Variants in PDE3A observed in about 807,000 individuals in gnomAD.
The protein encoded by PDE3A is phosphodiesterase 3A.
PDE3A carries 43 observed loss-of-function variants against 98.3 expected under a neutral mutation model. The observed-to-expected ratio is 0.44, with a 90% CI of 0.34 to 0.56. The LOEUF is 0.56. PDE3A is among the 20% of genes least tolerant of loss of function. The pLI is 0.01. For missense variants in PDE3A, 1,427 were observed against 1,440.7 expected, an observed-to-expected ratio of 0.99 and a Z score of 0.15; for synonymous variants, 663 against 567.9, an observed-to-expected ratio of 1.17 and a Z score of -2.38.
chr12:20,551,568 G>GA, intron 1 of PDE3A: 1 of 1,513,578 alleles, frequency 6.6e-7, no homozygotes, highest in Non-Finnish European at 8.9e-7. Flanking sequence ...CGACCCCCGA[G>GA]CGGGTCTGCG....
intron 1 of PDE3A, among the ~76,000 whole-genome samples, chr12:20,427,939 C>G (rs1188292773): frequency 1.3e-5 from 2 of 151,948 alleles, no homozygotes; most frequent in Non-Finnish European, 2.9e-5. Context: ...GGCATGGTGG[C>G]TCATTCCTGT....
At chr12:20,621,159 T>G in intron 4 of PDE3A, 137 bp from the exon 5 acceptor site, 3 of 617,038 alleles carry the variant, frequency 4.9e-6, no homozygotes, top group Non-Finnish European at 5.8e-6. Flanking sequence ...ACAGTGGTTC[T>G]GTCACTGAAC....
chr12:20,512,249 A>G (rs1040827375), intron 1 of PDE3A, among the ~76,000 whole-genome samples: 4 of 151,964 alleles, frequency 2.6e-5, no homozygotes, highest in Admixed American at 2.0e-4. Flanking sequence ...AGAAAAGTGA[A>G]GGGGGCTAGT....
intron 1 of PDE3A, among the ~76,000 whole-genome samples, chr12:20,510,380 T>G (rs1946198508): frequency 6.6e-6 from 1 of 152,110 alleles, no homozygotes; most frequent in Non-Finnish European, 1.5e-5. Flanking sequence ...AGAAATTGAC[T>G]ATATTTAATT....
intron 15 of PDE3A, among the ~76,000 whole-genome samples, chr12:20,661,402 A>C (rs1027704993): frequency 6.6e-6 from 1 of 152,248 alleles, no homozygotes; most frequent in African/African-American, 2.4e-5. Context: ...AGAAATTTGC[A>C]TAAGTAATGA....
Position 20,511,417 on chromosome 12 carries a change from T to TACACACACACACAC in PDE3A, c.961-45227_961-45214dup, listed in dbSNP as rs71884926. ...GCCCATAAATTAGGAAGTGCTCAAA[T>TACACACACACACAC]ACACACACACACACACACACACACA... is the stretch of plus-strand genomic sequence containing the variant. On this transcript the variant is annotated intron_variant, in intron 1 of 15. Transcript: ENST00000359062. 1.8e-3 allele frequency among the ~76,000 whole-genome samples: 261 copies of TACACACACACACAC among 147,998 alleles called. 2 individuals carry two copies. Among genetic ancestry groups the TACACACACACACAC allele is most frequent in the Middle Eastern group, 0.011 (3 of 282 alleles).
chr12:20,508,464 A>T (rs1262968644), intron 1 of PDE3A, among the ~76,000 whole-genome samples: 1 of 151,628 alleles, frequency 6.6e-6, no homozygotes, highest in Non-Finnish European at 1.5e-5. Context: ...CATCTAGAAC[A>T]GTGTCTGGTA....
chr12:20,645,297 C>G (rs1037323623), intron 10 of PDE3A, among the ~76,000 whole-genome samples: 1 of 152,092 alleles, frequency 6.6e-6, no homozygotes, highest in Non-Finnish European at 1.5e-5. Flanking sequence ...CATATTGTCA[C>G]TTAAAGACTG....
At chr12:20,551,405 A>T (rs1477245132) in intron 1 of PDE3A, among the ~76,000 whole-genome samples, 2 of 151,972 alleles carry the variant, frequency 1.3e-5, no homozygotes, top group East Asian at 3.9e-4. Flanking sequence ...AAAAAAAAAA[A>T]GTCTTTAAAA....
intron 1 of PDE3A, among the ~76,000 whole-genome samples, chr12:20,482,175 TTAAC>T (rs1480310817): frequency 6.6e-6 from 1 of 152,134 alleles, no homozygotes; most frequent in Non-Finnish European, 1.5e-5. Context: ...AATTGATCAT[TTAAC>T]TAAGAAATGA....
chr12:20,544,551 T>G (rs954032513), intron 1 of PDE3A, among the ~76,000 whole-genome samples: 5 of 151,896 alleles, frequency 3.3e-5, no homozygotes, highest in Non-Finnish European at 5.9e-5. Context: ...TGATGTCTTT[T>G]CTTTCTCCTT....
intron 15 of PDE3A, among the ~76,000 whole-genome samples, chr12:20,654,999 T>A (rs886967252): frequency 4.6e-5 from 7 of 152,016 alleles, no homozygotes; most frequent in Non-Finnish European, 1.5e-5. Context: ...GTACTAGAGA[T>A]AGAGTTGTGG....
At chr12:20,529,835 T>C (rs1946591700) in intron 1 of PDE3A, among the ~76,000 whole-genome samples, 1 of 152,198 alleles carries the variant, frequency 6.6e-6, no homozygotes. Flanking sequence ...ACATCATAGA[T>C]ATTAGTAGTC....
intron 15 of PDE3A, among the ~76,000 whole-genome samples, chr12:20,675,322 T>C (rs1945607659): frequency 1.3e-5 from 2 of 152,228 alleles, no homozygotes; most frequent in Admixed American, 1.3e-4. Context: ...AGACTTATTT[T>C]GTATCCTAGC....
chr12:20,414,471 T>G (rs11045228), intron 1 of PDE3A, among the ~76,000 whole-genome samples: 1 of 152,058 alleles, frequency 6.6e-6, no homozygotes, highest in African/African-American at 2.4e-5. Flanking sequence ...CCTAAGTCTA[T>G]GTTTCTTGTG....
At chr12:20,550,680 AATC>A in intron 1 of PDE3A, among the ~76,000 whole-genome samples, 1 of 152,246 alleles carries the variant, frequency 6.6e-6, no homozygotes, top group East Asian at 1.9e-4. Context: ...ACTACAATTA[AATC>A]ATCATGATAA....
chr12:20,628,316 T>C (rs749093784), intron 5 of PDE3A, among the ~76,000 whole-genome samples: 3 of 152,192 alleles, frequency 2.0e-5, no homozygotes, highest in Non-Finnish European at 2.9e-5. Context: ...CTCAGGATAC[T>C]ATGTAATGTG....
At chr12:20,421,137 G>C (rs1416488259) in intron 1 of PDE3A, among the ~76,000 whole-genome samples, 2 of 152,146 alleles carry the variant, frequency 1.3e-5, no homozygotes, top group African/African-American at 4.8e-5. Flanking sequence ...CATGTTCCTT[G>C]AGTCTGGAAA....
intron 1 of PDE3A, among the ~76,000 whole-genome samples, chr12:20,438,674 G>A (rs560120084): frequency 1.3e-5 from 2 of 152,206 alleles, no homozygotes; most frequent in Admixed American, 6.5e-5. Context: ...CTAGAGTCCA[G>A]AGATGTGCCT....
Sources: allele counts gnomAD v4.1 joint callset (sites outside exome capture counted in the v4.1 genomes callset), GRCh38; gene constraint gnomAD v4.1.1; transcripts MANE v1.5; gene names NCBI Gene and HGNC (gene_info 2026-07-23, HGNC 2026-07-21).